SYNDIG1: variants seen among roughly 807,000 people sequenced by gnomAD.
SYNDIG1 encodes the protein synapse differentiation-inducing gene protein 1.
A neutral mutation model predicts 19.4 loss-of-function variants in SYNDIG1; 9 were observed. The observed-to-expected ratio is 0.46, with a 90% confidence interval of 0.28 to 0.81. The LOEUF (loss-of-function observed/expected upper bound fraction) is 0.81, where lower values mean the gene tolerates loss of function less well. Among genes scored for constraint, SYNDIG1 ranks in the 30% least tolerant of loss-of-function variants. The pLI is 0.12. For synonymous variants in SYNDIG1, 141 were observed against 145.9 expected, an observed-to-expected ratio of 0.97 and a Z score of 0.24; for missense variants, 311 against 343.3, an observed-to-expected ratio of 0.91 and a Z score of 0.74.
Position 24,593,312 on chromosome 20 carries a change from C to T in SYNDIG1, c.618+8319C>T, listed in dbSNP as rs576991230. Among the ~76,000 whole-genome samples, 4 of 152,210 alleles carry T rather than the reference C, an allele frequency of 2.6e-5. No homozygotes were observed. In the South Asian group the frequency reaches 8.3e-4, roughly 32 times the overall value. ...ACATGCAGTATTTGGTTTTCTGTTC[C>T]TATGTCAGTTCATTTAGGATTATGG... On this transcript the variant is annotated intron_variant, in intron 3 of 3. Coordinates refer to ENST00000376862, the MANE Select transcript of SYNDIG1 (RefSeq NM_024893.3).
chr20:24,581,751 C>T (rs2058326865), intron 2 of SYNDIG1, among the ~76,000 whole-genome samples: 1 of 151,938 alleles, frequency 6.6e-6, no homozygotes, highest in Admixed American at 6.6e-5. Flanking sequence ...CACTGCATTT[C>T]CTCCATGTTG....
Position 24,658,595 on chromosome 20 carries a change from G to A in SYNDIG1, c.619-6751G>A, listed in dbSNP as rs916284596. 2.0e-5 allele frequency among the ~76,000 whole-genome samples: 3 copies of A among 151,820 alleles called. No individual in the cohort carries two copies. The highest frequency in any genetic ancestry group is 4.4e-5 in the Non-Finnish European group (3 of 67,962). On this transcript the variant is annotated intron_variant, in intron 3 of 3. Transcript: ENST00000376862. This position sits in a 1 kb window ranked among gnomAD's most constrained non-coding sequence, Gnocchi z 4.4. Reference sequence around the variant, plus strand: ...ATTATCTCCACCCTGACATCGAACCGTGTGGAGTATGACCCCCCACCCCCA... The same window carrying A: ...ATTATCTCCACCCTGACATCGAACCATGTGGAGTATGACCCCCCACCCCCA...
intron 1 of SYNDIG1, among the ~76,000 whole-genome samples, chr20:24,486,315 T>C (rs907890243): frequency 6.6e-5 from 10 of 152,338 alleles, no homozygotes; most frequent in African/African-American, 1.2e-4. Flanking sequence ...GTGGAGGCCC[T>C]GGGCTGATGC....
At chr20:24,632,951 G>GTT (rs538024479) in intron 3 of SYNDIG1, among the ~76,000 whole-genome samples, 9 of 122,654 alleles carry the variant, frequency 7.3e-5, no homozygotes, top group East Asian at 2.4e-4. Context: ...TGTGAAGTTT[G>GTT]TTTTTTTTTT....
At chr20:24,665,200 A>G in intron 3 of SYNDIG1, 146 bp from the exon 4 acceptor site, 1 of 964,546 alleles carries the variant, frequency 1.0e-6, no homozygotes, top group Non-Finnish European at 1.5e-6. Flanking sequence ...TGCCCTGGTC[A>G]TAGCAGGGGT....
intron 1 of SYNDIG1, among the ~76,000 whole-genome samples, chr20:24,473,614 A>T (rs2055533607): frequency 6.6e-6 from 1 of 151,888 alleles, no homozygotes; most frequent in Admixed American, 6.6e-5. Context: ...GGAGTGGGGG[A>T]GGGACGCACT....
chr20:24,584,702 A>G (rs1287058843), intron 2 of SYNDIG1, among the ~76,000 whole-genome samples, 154 bp from the exon 3 acceptor site: 1 of 152,182 alleles, frequency 6.6e-6, no homozygotes, highest in African/African-American at 2.4e-5. Flanking sequence ...GTGTACTTGC[A>G]GCAATAACGA....
At chr20:24,482,692 C>A (rs78112666) in intron 1 of SYNDIG1, among the ~76,000 whole-genome samples, 3,563 of 152,238 alleles carry the variant, frequency 0.023, 150 homozygotes, top group African/African-American at 0.082. Context: ...AAATATGATG[C>A]AACTATTATG....
chr20:24,527,082 G>C (rs2057139042), intron 1 of SYNDIG1, among the ~76,000 whole-genome samples: 1 of 152,108 alleles, frequency 6.6e-6, no homozygotes, highest in Admixed American at 6.6e-5. Flanking sequence ...TTTGAGGTGC[G>C]GCTTCTCTCC....
At chr20:24,652,734 C>T (rs2059485678) in intron 3 of SYNDIG1, among the ~76,000 whole-genome samples, 1 of 152,132 alleles carries the variant, frequency 6.6e-6, no homozygotes, top group Admixed American at 6.5e-5. Context: ...GGGTGCCCAG[C>T]CATGTGCAGG....
At chr20:24,488,740 G>T (rs1049939076) in intron 1 of SYNDIG1, among the ~76,000 whole-genome samples, 4 of 152,214 alleles carry the variant, frequency 2.6e-5, no homozygotes, top group Non-Finnish European at 5.9e-5. Flanking sequence ...TGGGACCAAG[G>T]TGTGAGTGTT....
intron 3 of SYNDIG1, among the ~76,000 whole-genome samples, chr20:24,604,996 C>G (rs567080082): frequency 6.6e-6 from 1 of 152,180 alleles, no homozygotes; most frequent in Admixed American, 6.5e-5. Flanking sequence ...GATTCAGAAT[C>G]AGCCCAAAAC....
intron 3 of SYNDIG1, among the ~76,000 whole-genome samples, chr20:24,636,361 A>G (rs1006305160): frequency 6.6e-6 from 1 of 152,228 alleles, no homozygotes; most frequent in Non-Finnish European, 1.5e-5. Context: ...GGCAAAAGAA[A>G]GAGAAAAGAG....
At chr20:24,618,609 T>C (rs569252834) in intron 3 of SYNDIG1, among the ~76,000 whole-genome samples, 5 of 152,328 alleles carry the variant, frequency 3.3e-5, no homozygotes, top group African/African-American at 1.2e-4. Flanking sequence ...AGCTTTATAT[T>C]TTCCTCTCAT....
At chr20:24,534,733 G>T (rs998336023) in intron 1 of SYNDIG1, among the ~76,000 whole-genome samples, 1 of 152,146 alleles carries the variant, frequency 6.6e-6, no homozygotes, top group South Asian at 2.1e-4. Context: ...CTACACCCCC[G>T]CACTCAACAC....
At chr20:24,497,800 C>T (rs371864614) in intron 1 of SYNDIG1, among the ~76,000 whole-genome samples, 1 of 152,224 alleles carries the variant, frequency 6.6e-6, no homozygotes, top group East Asian at 1.9e-4. Context: ...CAGAGCTTAG[C>T]TTATGGCCCC....
chr20:24,487,160 C>G (rs2055990939), intron 1 of SYNDIG1, among the ~76,000 whole-genome samples: 1 of 152,154 alleles, frequency 6.6e-6, no homozygotes, highest in African/African-American at 2.4e-5. Context: ...CAGCACAGAG[C>G]TTGCAGACTT....
chr20:24,616,966 G>T (rs1317286167), intron 3 of SYNDIG1, among the ~76,000 whole-genome samples: 1 of 152,142 alleles, frequency 6.6e-6, no homozygotes, highest in South Asian at 2.1e-4. Context: ...GACCTTCAGG[G>T]TGTGGGCCAA....
intron 3 of SYNDIG1, among the ~76,000 whole-genome samples, chr20:24,654,692 G>GGAAGGAAGGGAA (rs1568718690): frequency 6.6e-6 from 1 of 150,638 alleles, no homozygotes; most frequent in African/African-American, 2.5e-5. Context: ...AAGGAAGGAA[G>GGAAGGAAGGGAA]GAAGGAAGAG....
Sources: gnomAD v4.1 joint callset for allele counts (sites outside exome capture counted in the v4.1 genomes callset) on GRCh38, gnomAD v4.1.1 for gene constraint, Gnocchi (gnomAD v3.1) non-coding constraint, MANE v1.5 for transcripts, NCBI Gene and HGNC (gene_info 2026-07-23, HGNC 2026-07-21) for gene names.